FAM171A1: variants seen among roughly 807,000 people sequenced by gnomAD.
FAM171A1 encodes the protein family with sequence similarity 171 member A1.
Under a neutral mutation model 74.9 loss-of-function variants are expected in FAM171A1, and 23 were observed. The observed-to-expected ratio is 0.31, with a 90% CI of 0.22 to 0.44. The LOEUF (loss-of-function observed/expected upper bound fraction) is 0.44, where lower values mean the gene tolerates loss of function less well. Ranked by LOEUF, FAM171A1 falls within the 20% of genes least tolerant of loss-of-function variation. FAM171A1 has a pLI of 1.00. For missense variants in FAM171A1, 1,162 were observed against 1,159.2 expected, an observed-to-expected ratio of 1.00 and a Z score of -0.03; for synonymous variants, 527 against 505.7, an observed-to-expected ratio of 1.04 and a Z score of -0.57.
chr10:15,233,120 C>T (rs1834229196), intron 5 of FAM171A1, among the ~76,000 whole-genome samples: 1 of 151,898 alleles, frequency 6.6e-6, no homozygotes, highest in South Asian at 2.1e-4. Flanking sequence ...CGGTGAAACC[C>T]CGTTTCTACT....
At chr10:15,334,785 G>T (rs931834696) in intron 1 of FAM171A1, among the ~76,000 whole-genome samples, 1 of 152,186 alleles carries the variant, frequency 6.6e-6, no homozygotes, top group African/African-American at 2.4e-5. Flanking sequence ...CTCCAAAATG[G>T]TTTGGAATGT....
rs190611372 is a variant in FAM171A1, at chr10:15,293,236, G to T, written c.98-9131C>A. On this transcript the variant is annotated intron_variant, in intron 1 of 7. Transcript: ENST00000378116. The stretch of plus-strand genomic sequence containing the variant: ...GAGTAGGCATTTCTGGGTATCTTCT[G>T]ATCCATGGCCTAAGTATTCCTGGTA... Among the ~76,000 whole-genome samples, 501 of 152,224 alleles carry T rather than the reference G, an allele frequency of 3.3e-3. 3 individuals carry two copies. The highest frequency in any genetic ancestry group is 0.011 in the African/African-American group (460 of 41,542).
At chr10:15,288,521 T>C (rs1222289075) in intron 1 of FAM171A1, among the ~76,000 whole-genome samples, 1 of 152,204 alleles carries the variant, frequency 6.6e-6, no homozygotes, top group African/African-American at 2.4e-5. Context: ...CCTGCATTGA[T>C]GATTTATGCA....
intron 1 of FAM171A1, among the ~76,000 whole-genome samples, chr10:15,358,775 T>TC (rs1363948149): frequency 2.0e-5 from 3 of 152,216 alleles, no homozygotes; most frequent in African/African-American, 4.8e-5. Context: ...TGGGGTGTTT[T>TC]CATCTTTGTT....
At chr10:15,273,635 A>G (rs920422652) in intron 3 of FAM171A1, among the ~76,000 whole-genome samples, 3 of 152,182 alleles carry the variant, frequency 2.0e-5, no homozygotes, top group African/African-American at 2.4e-5. Context: ...AAAATCCTCA[A>G]TAAAATACTG....
chr10:15,258,476 A>C (rs1246209634), intron 3 of FAM171A1, among the ~76,000 whole-genome samples: 1 of 152,112 alleles, frequency 6.6e-6, no homozygotes, highest in African/African-American at 2.4e-5. Context: ...CTTTCTCTAT[A>C]GGCTTTTCCT....
At chr10:15,290,057 G>A (rs1283592278) in intron 1 of FAM171A1, among the ~76,000 whole-genome samples, 6 of 152,092 alleles carry the variant, frequency 3.9e-5, no homozygotes, top group Non-Finnish European at 8.8e-5. Context: ...GTGAAACCCC[G>A]TCTCTACTAA....
At chr10:15,315,698 C>G (rs2131842283) in intron 1 of FAM171A1, among the ~76,000 whole-genome samples, 1 of 152,264 alleles carries the variant, frequency 6.6e-6, no homozygotes, top group South Asian at 2.1e-4. Flanking sequence ...GCTAGAAAGC[C>G]ATCGCCTTAC....
intron 1 of FAM171A1, among the ~76,000 whole-genome samples, chr10:15,329,132 A>C (rs958571306): frequency 6.6e-6 from 1 of 152,228 alleles, no homozygotes; most frequent in Non-Finnish European, 1.5e-5. Flanking sequence ...AAAATATTAA[A>C]GAACTATGTG....
At chr10:15,285,174 A>G (rs1431854035) in intron 1 of FAM171A1, among the ~76,000 whole-genome samples, 1 of 152,214 alleles carries the variant, frequency 6.6e-6, no homozygotes, top group Admixed American at 6.5e-5. Context: ...GGAAAGTACC[A>G]TGGCTGAGGG....
Position 15,278,459 on chromosome 10 carries a change from A to G in FAM171A1, c.326-2512T>C, listed in dbSNP as rs531009328. ...CAGAAACTCACACATCGATGTTTGC[A>G]GCAGCATTATCCGTAACAGCCGAAA... On this transcript the variant is annotated intron_variant, in intron 2 of 7. Coordinates refer to ENST00000378116, the MANE Select transcript of FAM171A1 (RefSeq NM_001010924.2). 2.9e-3 allele frequency among the ~76,000 whole-genome samples: 447 copies of G among 152,334 alleles called. 3 individuals carry two copies. The highest frequency in any genetic ancestry group is 5.2e-3 in the South Asian group (25 of 4,826).
rs573484802 is a variant in FAM171A1 at position 15,351,219 on chromosome 10, T to C, written c.97+19737A>G. 3.9e-5 allele frequency among the ~76,000 whole-genome samples: 6 copies of C among 152,344 alleles called. No individual in the cohort carries two copies. The East Asian group carries it at 9.7e-4, about 25-fold the overall frequency. Reference sequence around the variant, plus strand: ...GTCTGTGCTCAGTTCATTATGAGTATGTGAACTATGCTTTGTGAGCCCAGG... The same window carrying C: ...GTCTGTGCTCAGTTCATTATGAGTACGTGAACTATGCTTTGTGAGCCCAGG... On this transcript the variant is annotated intron_variant, in intron 1 of 7. Coordinates refer to ENST00000378116, the MANE Select transcript of FAM171A1 (RefSeq NM_001010924.2).
In FAM171A1 at chr10:15,214,202, C is replaced by G; in HGVS notation, c.1386G>C (p.Glu462Asp). Residue 462 changes from glutamate (E) to aspartate (D), a missense_variant, in exon 8 of 8, where the codon GAG becomes GAC. Transcript: ENST00000378116. ...TLGKDYHKSV[E>D]VFPLKARKSM... ...ATTTTCTTGCCTTTAAGGGAAAAAC[C>G]TCCACTGACTTATGGTAGTCTTTCC... 9.3e-6 allele frequency: 15 copies of G among 1,614,164 alleles called. No homozygotes were observed. Among genetic ancestry groups the G allele is most frequent in the Non-Finnish European group, 1.3e-5 (15 of 1,180,026 alleles).
chr10:15,369,823 C>T (rs571385557), intron 1 of FAM171A1, among the ~76,000 whole-genome samples: 1 of 152,196 alleles, frequency 6.6e-6, no homozygotes, highest in African/African-American at 2.4e-5. Context: ...CTTTGGCCTG[C>T]AGGGCCAACT....
intron 1 of FAM171A1, among the ~76,000 whole-genome samples, chr10:15,367,561 A>G (rs1272906830): frequency 6.6e-6 from 1 of 152,188 alleles, no homozygotes; most frequent in African/African-American, 2.4e-5. Context: ...TGTCACCGTA[A>G]GTTAGGCTTG....
At chr10:15,236,324 A>G (rs1834289755) in intron 5 of FAM171A1, among the ~76,000 whole-genome samples, 1 of 152,074 alleles carries the variant, frequency 6.6e-6, no homozygotes, top group Non-Finnish European at 1.5e-5. Flanking sequence ...TATGGGCTAA[A>G]TAATAGCAGC....
intron 1 of FAM171A1, among the ~76,000 whole-genome samples, chr10:15,361,358 T>C (rs916864449): frequency 6.6e-6 from 1 of 152,172 alleles, no homozygotes; most frequent in African/African-American, 2.4e-5. Context: ...ACGTCATTCA[T>C]TGAGACTGGG....
At chr10:15,287,181 T>C (rs1460847299) in intron 1 of FAM171A1, among the ~76,000 whole-genome samples, 1 of 146,194 alleles carries the variant, frequency 6.8e-6, no homozygotes, top group African/African-American at 2.5e-5. Context: ...AAGCTTCGCC[T>C]CCCGGGTTCA....
chr10:15,327,276 A>G (rs1237473867), intron 1 of FAM171A1, among the ~76,000 whole-genome samples: 2 of 152,288 alleles, frequency 1.3e-5, no homozygotes, highest in East Asian at 3.9e-4. Flanking sequence ...AGGGGAATAA[A>G]CCAGTCAATG....
Sources: allele counts gnomAD v4.1 joint callset (sites outside exome capture counted in the v4.1 genomes callset), GRCh38; gene constraint gnomAD v4.1.1; transcripts MANE v1.5; gene names NCBI Gene and HGNC (gene_info 2026-07-23, HGNC 2026-07-21).